Variants in CRTC1 observed in about 807,000 individuals in gnomAD.
CRTC1 encodes the protein CREB-regulated transcription coactivator 1.
CRTC1 carries 18 observed loss-of-function variants against 66.1 expected under a neutral mutation model. That is an observed-to-expected ratio of 0.27 (90% CI 0.19 to 0.40). The LOEUF (loss-of-function observed/expected upper bound fraction) is 0.40, where lower values mean the gene tolerates loss of function less well. Among genes scored for constraint, CRTC1 ranks in the 10% least tolerant of loss-of-function variants. The pLI, the probability that CRTC1 is intolerant of heterozygous loss-of-function variation, is 1.00. For synonymous variants in CRTC1, 416 were observed against 398.8 expected, an observed-to-expected ratio of 1.04 and a Z score of -0.51; for missense variants, 669 against 887.9, an observed-to-expected ratio of 0.75 and a Z score of 3.13.
At chr19:18,745,760 G>C in intron 2 of CRTC1, 63 bp from the exon 3 acceptor site, 2 of 1,604,696 alleles carry the variant, frequency 1.2e-6, no homozygotes, top group South Asian at 2.2e-5. Context: ...CCAGCGCTGG[G>C]GCCACAGCTG....
At chr19:18,720,821 C>T (rs925288940) in intron 1 of CRTC1, among the ~76,000 whole-genome samples, 2 of 151,850 alleles carry the variant, frequency 1.3e-5, no homozygotes, top group Non-Finnish European at 2.9e-5. Flanking sequence ...AATTCCCTCT[C>T]TTTCTCTCTG....
Position 18,741,462 on chromosome 19 carries a change from G to T in CRTC1, c.127-1448G>T, listed in dbSNP as rs189486453. On this transcript the variant is annotated intron_variant, in intron 1 of 13. Transcript: ENST00000321949. The surrounding 1 kb of genome is among the most constrained non-coding windows in gnomAD (Gnocchi z 4.2). ...GCCATATAGTCAGTGAGAGGTGAAT[G>T]TAGCACAGGTTTCTGTCATGCTACT... is the stretch of plus-strand genomic sequence containing the variant. 7.2e-4 allele frequency among the ~76,000 whole-genome samples: 110 copies of T among 152,354 alleles called. 1 individual carries two copies. Among genetic ancestry groups the T allele is most frequent in the African/African-American group, 2.5e-3 (105 of 41,580 alleles).
At chr19:18,774,858 G>A (rs1371734533) in intron 11 of CRTC1, 42 bp from the exon 12 acceptor site, 1 of 1,598,094 alleles carries the variant, frequency 6.3e-7, no homozygotes, top group Non-Finnish European at 8.5e-7. Flanking sequence ...TTCCCACCTG[G>A]CCTCAGGCCG....
intron 1 of CRTC1, among the ~76,000 whole-genome samples, chr19:18,739,643 G>C (rs1035798816): frequency 6.6e-6 from 1 of 152,200 alleles, no homozygotes; most frequent in African/African-American, 2.4e-5. Context: ...ACAGCATGGT[G>C]GGGGGCAGGG....
chr19:18,742,239 T>C (rs966555310), intron 1 of CRTC1, among the ~76,000 whole-genome samples: 1 of 152,140 alleles, frequency 6.6e-6, no homozygotes, highest in Non-Finnish European at 1.5e-5. Flanking sequence ...CCCCTGGTTC[T>C]GTGCCCCGAT....
In CRTC1 at chr19:18,705,954, CCT is replaced by C. The variant is rs1202836911; in HGVS notation, c.126+22139_126+22140del. 1.9e-4 allele frequency among the ~76,000 whole-genome samples: 27 copies of C among 141,168 alleles called. No individual in the cohort carries two copies. In the South Asian group the frequency reaches 3.8e-3, roughly 20 times the overall value. The allele number at this position is 141,168 out of a possible 152,430, so 92.6% of individuals were successfully genotyped here. On this transcript the variant is annotated intron_variant, in intron 1 of 13. Transcript: ENST00000321949. ...TCAAGTCCTGTGCCCTTTTCCTTTT[CCT>C]CTCTCTCTCTCTTTTTTTTTTTTTT...
intron 2 of CRTC1, 23 bp downstream of exon 2, chr19:18,743,049 C>T: frequency 6.4e-7 from 1 of 1,565,504 alleles, no homozygotes. Context: ...CCCCCTGGCC[C>T]TGCCCCATTG....
intron 1 of CRTC1, among the ~76,000 whole-genome samples, chr19:18,721,618 C>T (rs1238897065): frequency 2.6e-5 from 4 of 151,964 alleles, no homozygotes; most frequent in African/African-American, 9.7e-5. Flanking sequence ...CCTCAGCCTC[C>T]TGAGTAGCTG....
chr19:18,695,326 G>T (rs952092735), intron 1 of CRTC1, among the ~76,000 whole-genome samples: 1 of 151,964 alleles, frequency 6.6e-6, no homozygotes, highest in Non-Finnish European at 1.5e-5. Flanking sequence ...TTTTTTAAAT[G>T]GGACTCTGTA....
chr19:18,777,387 G>T lies in CRTC1; in HGVS notation c.*5G>T, dbSNP rs377181004. 1 of 1,600,384 alleles carries T rather than the reference G, an allele frequency of 6.2e-7. No individual in the cohort carries two copies. The highest frequency in any genetic ancestry group is 1.1e-5 in the South Asian group (1 of 91,060). On this transcript the variant is annotated 3_prime_UTR_variant, in exon 14 of 14. Transcript: ENST00000321949. The surrounding 1 kb of genome is among the most constrained non-coding windows in gnomAD (Gnocchi z 5.5). ...TTCCGGATGGACCGCCTGTGAGCGGGCACGCCGGCACCCTGCCGCTCAGCC... is the reference window on the plus strand; with the variant it reads ...TTCCGGATGGACCGCCTGTGAGCGGTCACGCCGGCACCCTGCCGCTCAGCC...
rs769170854 is a variant in CRTC1, at chr19:18,749,772, C to A, written c.444-9C>A. 10 of 1,612,632 alleles carry A rather than the reference C, an allele frequency of 6.2e-6. No individual in the cohort carries two copies. The South Asian group carries it at 9.9e-5, about 16-fold the overall frequency. ...TGAGGCTCATTGTCTCTTCCTCCCT[C>A]CCCACCAGGACCAATTCTGACTCCG... On this transcript the variant is annotated splice_polypyrimidine_tract_variant and intron_variant, in intron 4 of 13. Coordinates refer to ENST00000321949, the MANE Select transcript of CRTC1 (RefSeq NM_015321.3).
chr19:18,684,387 G>C (rs2052638461), intron 1 of CRTC1, among the ~76,000 whole-genome samples: 1 of 152,086 alleles, frequency 6.6e-6, no homozygotes, highest in African/African-American at 2.4e-5. Context: ...GAGGGGGACC[G>C]GTGTCTCTAC....
At position 18,760,205 on chromosome 19, in the gene CRTC1, T is replaced by G; in HGVS notation, c.863T>G (p.Leu288Arg). Residue 288 changes from leucine to arginine, a missense_variant, in exon 8 of 14, where the codon CTG becomes CGG. Physicochemically the swap from Leu to Arg is moderately radical, Grantham distance 102 (BLOSUM62 -2). Transcript: ENST00000321949. The surrounding 1 kb of genome is among the most constrained non-coding windows in gnomAD (Gnocchi z 6.2). ...TGNLAANLTH[L>R]GIGGAGQGMS... ...AACCTCGCGGCCAACCTGACGCACC[T>G]GGGCATCGGTGGCGCCGGCCAGGGT... The G allele has an allele frequency of 6.2e-7, 1 of 1,609,556 alleles. No individual in the cohort carries two copies. Among genetic ancestry groups the G allele is most frequent in the East Asian group, 2.2e-5 (1 of 44,714 alleles).
rs534660565 is a variant in CRTC1, at chr19:18,724,487, G to A, written c.127-18423G>A. On this transcript the variant is annotated intron_variant, in intron 1 of 13. Coordinates refer to ENST00000321949, the MANE Select transcript of CRTC1 (RefSeq NM_015321.3). The stretch of plus-strand genomic sequence containing the variant: ...TATATTAAAGTACTACACCTGGGCT[G>A]CTTAGAACAAGAATGTCTTCTCTCA... Among the ~76,000 whole-genome samples, 6 of 152,006 alleles carry A rather than the reference G, an allele frequency of 3.9e-5. No individual in the cohort carries two copies. The South Asian group carries it at 8.3e-4, about 21-fold the overall frequency.
At chr19:18,769,593 C>T (rs1003125746) in intron 10 of CRTC1, among the ~76,000 whole-genome samples, 48 of 152,202 alleles carry the variant, frequency 3.2e-4, no homozygotes, top group Admixed American at 1.3e-3. Context: ...TCTGACCTCA[C>T]GGAGGGGACC....
chr19:18,710,562 A>C (rs1008210984), intron 1 of CRTC1, among the ~76,000 whole-genome samples: 9 of 152,188 alleles, frequency 5.9e-5, no homozygotes, highest in African/African-American at 2.2e-4. Context: ...AGCGAGGGTC[A>C]CACTCTCAGG....
chr19:18,717,405 G>T (rs1211446943), intron 1 of CRTC1, among the ~76,000 whole-genome samples: 2 of 152,074 alleles, frequency 1.3e-5, no homozygotes, highest in Non-Finnish European at 2.9e-5. Context: ...CATCCCTGGA[G>T]CCCTTGCCAT....
At position 18,741,767 on chromosome 19, in the gene CRTC1, A is replaced by G. The variant is rs1328836101; in HGVS notation, c.127-1143A>G. 6.6e-6 allele frequency among the ~76,000 whole-genome samples: 1 copy of G among 152,172 alleles called. No homozygotes were observed. Among genetic ancestry groups the G allele is most frequent in the Non-Finnish European group, 1.5e-5 (1 of 68,002 alleles). On this transcript the variant is annotated intron_variant, in intron 1 of 13. Coordinates refer to ENST00000321949, the MANE Select transcript of CRTC1 (RefSeq NM_015321.3). The surrounding 1 kb of genome is among the most constrained non-coding windows in gnomAD (Gnocchi z 4.2). ...AATAACACACAAGGTTAATCTTACC[A>G]TCGGCTCCACTTCAGCTCACAGGAA...
intron 1 of CRTC1, among the ~76,000 whole-genome samples, chr19:18,684,325 C>T (rs1452265424): frequency 2.0e-5 from 3 of 151,970 alleles, no homozygotes; most frequent in African/African-American, 7.3e-5. Flanking sequence ...TGCAAGTGCC[C>T]CCGCATCCTT....
Sources: allele counts gnomAD v4.1 joint callset (sites outside exome capture counted in the v4.1 genomes callset), GRCh38; gene constraint gnomAD v4.1.1; non-coding constraint Gnocchi (gnomAD v3.1); transcripts MANE v1.5; gene names NCBI Gene and HGNC (gene_info 2026-07-23, HGNC 2026-07-21).